Variants in PARD3B observed in about 807,000 individuals in gnomAD.
PARD3B encodes the protein par-3 family cell polarity regulator beta.
In PARD3B, 103 loss-of-function variants were observed where a neutral mutation model predicts 130.2. That is an observed-to-expected ratio of 0.79 (90% CI 0.67 to 0.93). The LOEUF (loss-of-function observed/expected upper bound fraction) is 0.93, where lower values mean the gene tolerates loss of function less well. PARD3B is among the 40% of genes least tolerant of loss of function. PARD3B has a pLI of 0.00. For missense variants in PARD3B, 1,609 were observed against 1,499.2 expected (o/e 1.07, Z -1.21); for synonymous variants, 583 against 553.2 (o/e 1.05, Z -0.76).
intron 19 of PARD3B, among the ~76,000 whole-genome samples, chr2:205,429,645 A>G (rs1322675163): frequency 1.3e-5 from 2 of 152,218 alleles, no homozygotes; most frequent in Admixed American, 6.5e-5. Context: ...TGTTAAATTT[A>G]GAAAAATACA....
rs2048451307 is a variant in PARD3B at position 205,461,451 on chromosome 2, C to T, written c.3044+20779C>T. ...ACCAAGAGGTATTCCCTAGCACGGA[C>T]TGCCATGTAGAAAAGGTCCCCTATT... On this transcript the variant is annotated intron_variant, in intron 20 of 22. Coordinates refer to ENST00000406610, the MANE Select transcript of PARD3B (RefSeq NM_001302769.2). The surrounding 1 kb of genome is among the most constrained non-coding windows in gnomAD (Gnocchi z 4.3). Among the ~76,000 whole-genome samples the T allele has an allele frequency of 6.6e-6, 1 of 152,194 alleles. No homozygotes were observed. The highest frequency in any genetic ancestry group is 1.5e-5 in the Non-Finnish European group (1 of 68,034).
chr2:204,654,842 A>C (rs1175387494), intron 1 of PARD3B, among the ~76,000 whole-genome samples: 3 of 152,050 alleles, frequency 2.0e-5, no homozygotes, highest in Admixed American at 1.3e-4. Context: ...TGTTGGGGCA[A>C]GTTTATCCTC....
intron 18 of PARD3B, among the ~76,000 whole-genome samples, chr2:205,340,553 A>G (rs932422573): frequency 1.3e-5 from 2 of 152,170 alleles, no homozygotes; most frequent in Non-Finnish European, 2.9e-5. Flanking sequence ...GTGTGCAGAA[A>G]AATGAAACCA....
chr2:204,773,501 T>G (rs2041479438), intron 2 of PARD3B, among the ~76,000 whole-genome samples: 1 of 152,138 alleles, frequency 6.6e-6, no homozygotes, highest in African/African-American at 2.4e-5. Flanking sequence ...AGTCATAAAT[T>G]TACCATTCAC....
rs557122312 is a variant in PARD3B, at chr2:205,015,867, A to G, written c.395-31714A>G. ...GTTTATTTTCCTGATCGTGAGCCTTATTATGTAAGCTTGCTTGCTGATGTC... is the reference window on the plus strand; with the variant it reads ...GTTTATTTTCCTGATCGTGAGCCTTGTTATGTAAGCTTGCTTGCTGATGTC... On this transcript the variant is annotated intron_variant, in intron 3 of 22. Transcript: ENST00000406610. The surrounding 1 kb of genome is among the most constrained non-coding windows in gnomAD (Gnocchi z 4.5). Among the ~76,000 whole-genome samples, 13 of 152,282 alleles carry G rather than the reference A, an allele frequency of 8.5e-5. No homozygotes were observed. Among genetic ancestry groups the G allele is most frequent in the African/African-American group, 2.9e-4 (12 of 41,544 alleles).
rs911241930 is a variant in PARD3B, at chr2:205,592,761, C to T, written c.3261-22695C>T. 1.3e-5 allele frequency among the ~76,000 whole-genome samples: 2 copies of T among 152,216 alleles called. No individual in the cohort carries two copies. Among genetic ancestry groups the T allele is most frequent in the Admixed American group, 6.5e-5 (1 of 15,286 alleles). ...TCAGAAGTAAAGGATCAGGAAGAAG[C>T]GGCATCTGGAACAAGTACAGATGGC... is the stretch of plus-strand genomic sequence containing the variant. On this transcript the variant is annotated intron_variant, in intron 22 of 22. Coordinates refer to ENST00000406610, the MANE Select transcript of PARD3B (RefSeq NM_001302769.2). This position sits in a 1 kb window ranked among gnomAD's most constrained non-coding sequence, Gnocchi z 4.5.
rs2053199220 is a variant in PARD3B at position 205,563,207 on chromosome 2, C to T, written c.3260+9804C>T. Among the ~76,000 whole-genome samples, 1 of 152,072 alleles carries T rather than the reference C, an allele frequency of 6.6e-6. No individual in the cohort carries two copies. The highest frequency in any genetic ancestry group is 1.5e-5 in the Non-Finnish European group (1 of 68,014). On this transcript the variant is annotated intron_variant, in intron 22 of 22. Transcript: ENST00000406610. The surrounding 1 kb of genome is among the most constrained non-coding windows in gnomAD (Gnocchi z 4.2). ...TGTTTCAAAGATGTCATGTTTATTC[C>T]TAAACTAGTTGATTGTATTTAAATA...
chr2:204,933,968 C>T (rs892949710), intron 2 of PARD3B, among the ~76,000 whole-genome samples: 1 of 152,186 alleles, frequency 6.6e-6, no homozygotes, highest in Non-Finnish European at 1.5e-5. Flanking sequence ...CAGTCTTTCT[C>T]TTGTGACCTC....
At position 205,301,751 on chromosome 2, in the gene PARD3B, GT is replaced by G. The variant is rs1407820979; in HGVS notation, c.2630+51del. 1 of 1,614,010 alleles carries G rather than the reference GT, an allele frequency of 6.2e-7. No individual in the cohort carries two copies. Among genetic ancestry groups the G allele is most frequent in the Non-Finnish European group, 8.5e-7 (1 of 1,179,922 alleles). On this transcript the variant is annotated intron_variant, in intron 18 of 22. Coordinates refer to ENST00000406610, the MANE Select transcript of PARD3B (RefSeq NM_001302769.2). This position sits in a 1 kb window ranked among gnomAD's most constrained non-coding sequence, Gnocchi z 5.2. ...GTTGGTTCTCATTTTGTCTCTCCTG[GT>G]AAAATCACTCCTTTGTCTGTACTCA...
chr2:204,679,440 C>G (rs2036716567), intron 1 of PARD3B, among the ~76,000 whole-genome samples: 1 of 152,072 alleles, frequency 6.6e-6, no homozygotes, highest in Admixed American at 6.6e-5. Context: ...ACACTTTTAC[C>G]CTTAGTGTAC....
intron 13 of PARD3B, among the ~76,000 whole-genome samples, chr2:205,184,907 G>C (rs991213466): frequency 6.6e-6 from 1 of 152,150 alleles, no homozygotes; most frequent in East Asian, 1.9e-4. Flanking sequence ...TCACACAGCA[G>C]TAGGGTTGGA....
chr2:205,220,265 T>C (rs531596969), intron 15 of PARD3B, among the ~76,000 whole-genome samples: 20 of 152,290 alleles, frequency 1.3e-4, no homozygotes, highest in Middle Eastern at 3.4e-3. Flanking sequence ...TGAGATTCTC[T>C]ATGACTGGCC....
chr2:204,984,519 T>A (rs1413712729), intron 3 of PARD3B, among the ~76,000 whole-genome samples: 1 of 152,172 alleles, frequency 6.6e-6, no homozygotes, highest in Non-Finnish European at 1.5e-5. Context: ...GTATTTAATA[T>A]GAATAACATT....
intron 15 of PARD3B, among the ~76,000 whole-genome samples, chr2:205,239,868 T>C (rs2039273199): frequency 6.6e-6 from 1 of 152,208 alleles, no homozygotes; most frequent in African/African-American, 2.4e-5. Context: ...CTTGCTAAGA[T>C]AAATGAGATA....
At chr2:204,800,515 G>A (rs1475495852) in intron 2 of PARD3B, among the ~76,000 whole-genome samples, 1 of 152,012 alleles carries the variant, frequency 6.6e-6, no homozygotes, top group Non-Finnish European at 1.5e-5. Context: ...ATATATCAGG[G>A]TTTAAGTACA....
intron 19 of PARD3B, among the ~76,000 whole-genome samples, chr2:205,423,629 C>T (rs967001913): frequency 6.6e-6 from 1 of 152,158 alleles, no homozygotes; most frequent in Non-Finnish European, 1.5e-5. Context: ...ATGTTCATTG[C>T]AACCCTATTC....
intron 2 of PARD3B, among the ~76,000 whole-genome samples, chr2:204,861,158 A>C (rs2045169175): frequency 8.3e-6 from 1 of 120,236 alleles, no homozygotes; most frequent in Non-Finnish European, 1.8e-5. Flanking sequence ...GCTACCTAAT[A>C]CCTTTCTCTC....
rs2038748800 is a variant in PARD3B, at chr2:205,229,928, A to C, written c.2141-15850A>C. Reference sequence around the variant, plus strand: ...GGACTCTCTCCCCACAGCCACCACCACCACGTCCATGGCAAGTACTGCCTG... The same window carrying C: ...GGACTCTCTCCCCACAGCCACCACCCCCACGTCCATGGCAAGTACTGCCTG... On this transcript the variant is annotated intron_variant, in intron 15 of 22. Transcript: ENST00000406610. This position sits in a 1 kb window ranked among gnomAD's most constrained non-coding sequence, Gnocchi z 5.2. Among the ~76,000 whole-genome samples, 1 of 151,598 alleles carries C rather than the reference A, an allele frequency of 6.6e-6. No homozygotes were observed. Among genetic ancestry groups the C allele is most frequent in the Admixed American group, 6.6e-5 (1 of 15,206 alleles).
chr2:204,685,922 A>G (rs2037054748), intron 1 of PARD3B, among the ~76,000 whole-genome samples: 1 of 152,148 alleles, frequency 6.6e-6, no homozygotes, highest in Admixed American at 6.5e-5. Context: ...TGTTTTTCAA[A>G]CAGTTTATTT....
Sources: allele counts gnomAD v4.1 joint callset (sites outside exome capture counted in the v4.1 genomes callset), GRCh38; gene constraint gnomAD v4.1.1; non-coding constraint Gnocchi (gnomAD v3.1); transcripts MANE v1.5; gene names NCBI Gene and HGNC (gene_info 2026-07-23, HGNC 2026-07-21).